The following ACSM1 variants were observed in gnomAD, a reference collection of about 807,000 sequenced individuals.
ACSM1 encodes acyl-CoA synthetase medium chain family member 1.
ACSM1 carries 79 observed loss-of-function variants against 75.8 expected under a neutral mutation model. The observed-to-expected ratio is 1.04, with a 90% CI of 0.87 to 1.26. The LOEUF is 1.26. Among genes scored for constraint, ACSM1 ranks in the 50% most tolerant of loss-of-function variants. The pLI is 0.00. For synonymous variants in ACSM1, 279 were observed against 265.8 expected (o/e 1.05, Z -0.48); for missense variants, 676 against 720.1 (o/e 0.94, Z 0.70).
rs180965452 is a variant in ACSM1, at chr16:20,684,102, G to A, written c.403+1091C>T. Among the ~76,000 whole-genome samples, 664 of 152,258 alleles carry A rather than the reference G, an allele frequency of 4.4e-3. 5 individuals are homozygous for A. Among genetic ancestry groups the A allele is most frequent in the African/African-American group, 0.015 (614 of 41,544 alleles). Reference sequence around the variant, plus strand: ...AAGTGATTCAAAAAAGAATCTGTGAGTCACTGATTCTAATCTATATAGACA... The same window carrying A: ...AAGTGATTCAAAAAAGAATCTGTGAATCACTGATTCTAATCTATATAGACA... On this transcript the variant is annotated intron_variant, in intron 3 of 13. Coordinates refer to ENST00000520010, the MANE Select transcript of ACSM1 (RefSeq NM_001318890.3).
intron 10 of ACSM1, among the ~76,000 whole-genome samples, chr16:20,632,334 T>C (rs2152199218): frequency 6.6e-6 from 1 of 152,262 alleles, no homozygotes; most frequent in Middle Eastern, 3.4e-3. Context: ...CTAGATTGAT[T>C]AATAAAAAAG....
intron 4 of ACSM1, among the ~76,000 whole-genome samples, chr16:20,672,471 A>AAAAATAT (rs1555473775): frequency 2.0e-4 from 13 of 64,570 alleles, no homozygotes; most frequent in East Asian, 2.6e-3. Flanking sequence ...AAAAAAAAAA[A>AAAAATAT]ATATATATAT....
chr16:20,630,856 G>A (rs1287007341), intron 10 of ACSM1, among the ~76,000 whole-genome samples: 1 of 151,914 alleles, frequency 6.6e-6, no homozygotes, highest in Non-Finnish European at 1.5e-5. Flanking sequence ...ATTAACAGAA[G>A]GAAAACTTTT....
At chr16:20,682,053 C>T (rs2079456676) in intron 4 of ACSM1, 2 of 538,136 alleles carry the variant, frequency 3.7e-6, no homozygotes, top group African/African-American at 1.9e-5. Context: ...TCCCCCTGCA[C>T]AGATCTCCCC....
At position 20,661,848 on chromosome 16, in the gene ACSM1, TG is replaced by T; in HGVS notation, c.937del (p.His313ThrfsTer11). ...IQTLLKYPIN[H>X]FWGVSSIYRM... is the part of the protein sequence containing the mutation. ...ATATATAGATGATACCCCCCAAAAG[TG>T]GTTAATGGGGTATTTCAACAATGTC... On this transcript the variant is annotated frameshift_variant, in exon 7 of 14. Coordinates refer to ENST00000520010, the MANE Select transcript of ACSM1 (RefSeq NM_001318890.3). LOFTEE classifies it high-confidence loss of function. 1 of 1,607,260 alleles carries T rather than the reference TG, an allele frequency of 6.2e-7. No homozygotes were observed. Among genetic ancestry groups the T allele is most frequent in the Non-Finnish European group, 8.5e-7 (1 of 1,175,114 alleles).
chr16:20,673,509 C>A (rs34586953), intron 4 of ACSM1, among the ~76,000 whole-genome samples: 11,105 of 152,188 alleles, frequency 0.073, 530 homozygotes, highest in East Asian at 0.2. Flanking sequence ...AAGTATTACT[C>A]CAAGAAAACA....
chr16:20,644,143 GACCACTGACAGCCAGCAGCCT>G (rs1365613123), intron 7 of ACSM1, among the ~76,000 whole-genome samples: 3 of 152,200 alleles, frequency 2.0e-5, no homozygotes, highest in Non-Finnish European at 2.9e-5. Flanking sequence ...CAACTCTCAA[GACCACTGACAGCCAGCAGCCT>G]TTCTATCAAA....
At chr16:20,645,965 A>G (rs1041829857) in intron 7 of ACSM1, among the ~76,000 whole-genome samples, 1 of 152,218 alleles carries the variant, frequency 6.6e-6, no homozygotes, top group Non-Finnish European at 1.5e-5. Context: ...ATCTTAAAGG[A>G]TAAGTTTATC....
chr16:20,686,232 C>A lies in ACSM1; in HGVS notation c.193-829G>T, dbSNP rs193049128. On this transcript the variant is annotated intron_variant, in intron 2 of 13. Coordinates refer to ENST00000520010, the MANE Select transcript of ACSM1 (RefSeq NM_001318890.3). Reference sequence around the variant, plus strand: ...GAAAAAAATTTTTTTAATTAAGTTACTCTTAGAGGTGAGGGCAGTAACAAA... The same window carrying A: ...GAAAAAAATTTTTTTAATTAAGTTAATCTTAGAGGTGAGGGCAGTAACAAA... Among the ~76,000 whole-genome samples the A allele has an allele frequency of 4.1e-3, 625 of 152,134 alleles. 8 individuals carry two copies. The highest frequency in any genetic ancestry group is 4.0e-3 in the Non-Finnish European group (272 of 68,018).
intron 10 of ACSM1, among the ~76,000 whole-genome samples, chr16:20,634,046 T>C (rs191809006): frequency 2.6e-5 from 4 of 152,266 alleles, no homozygotes; most frequent in East Asian, 1.9e-4. Context: ...ATCATTGCAA[T>C]AGAATAGAGA....
Position 20,659,078 on chromosome 16 carries a change from C to T in ACSM1, c.992+2716G>A, listed in dbSNP as rs530956375. On this transcript the variant is annotated intron_variant, in intron 7 of 13. Transcript: ENST00000520010. Reference sequence around the variant, plus strand: ...TGCCAGATACAGCAAAAGGGAAAGGCACAATTAAAGACTCAGATCATGATA... The same window carrying T: ...TGCCAGATACAGCAAAAGGGAAAGGTACAATTAAAGACTCAGATCATGATA... 9.2e-5 allele frequency among the ~76,000 whole-genome samples: 14 copies of T among 152,294 alleles called. No individual in the cohort carries two copies. The South Asian group carries it at 1.7e-3, about 18-fold the overall frequency.
chr16:20,676,723 A>G (rs1026364235), intron 4 of ACSM1, among the ~76,000 whole-genome samples: 1 of 152,208 alleles, frequency 6.6e-6, no homozygotes, highest in Admixed American at 6.5e-5. Flanking sequence ...ACAGTCATGG[A>G]AAAGGCTGGT....
intron 10 of ACSM1, 59 bp from the exon 11 acceptor site, chr16:20,627,375 A>C: frequency 6.7e-7 from 1 of 1,495,396 alleles, no homozygotes; most frequent in Non-Finnish European, 8.9e-7. Flanking sequence ...GATGAGCCAC[A>C]ACCTTGGGTT....
At chr16:20,681,940 T>A in intron 4 of ACSM1, 1 of 245,744 alleles carries the variant, frequency 4.1e-6, no homozygotes, top group Non-Finnish European at 8.1e-6. Flanking sequence ...ACTAGACAGA[T>A]AAACTCAAGT....
In ACSM1 at chr16:20,624,157, A is replaced by G; in HGVS notation, c.1586T>C (p.Leu529Pro). 2 of 1,613,552 alleles carry G rather than the reference A, an allele frequency of 1.2e-6. No individual in the cohort carries two copies. The highest frequency in any genetic ancestry group is 1.7e-6 in the Non-Finnish European group (2 of 1,179,566). ...GACATGCTGCTGCAGTTCCTTGGTC[A>G]GCTGATCCTTGTCATGGGACAGGAA... Reference protein sequence around the residue: ...PQFLSHDKDQLTKELQQHVKS... With the variant: ...PQFLSHDKDQPTKELQQHVKS... Residue 529 changes from leucine to proline, a missense_variant, in exon 13 of 14, where the codon CTG becomes CCG. Coordinates refer to ENST00000520010, the MANE Select transcript of ACSM1 (RefSeq NM_001318890.3).
intron 6 of ACSM1, 22 bp downstream of exon 6, chr16:20,669,804 TA>T: frequency 6.2e-7 from 1 of 1,605,428 alleles, no homozygotes. Flanking sequence ...ATTTTGCTGA[TA>T]GGGGAAGGTG....
chr16:20,636,217 A>G (rs2017697861), intron 10 of ACSM1, among the ~76,000 whole-genome samples: 1 of 152,136 alleles, frequency 6.6e-6, no homozygotes, highest in South Asian at 2.1e-4. Context: ...TGGGAGGGCC[A>G]TTGCTTATTT....
In ACSM1 at chr16:20,637,432, T is replaced by G. The variant is rs1440406145; in HGVS notation, c.1136A>C (p.Tyr379Ser). Residue 379 changes from tyrosine (Y) to serine (S), a missense_variant, in exon 9 of 14, where the codon TAC (tyrosine) becomes TCC (serine). Tyr to Ser is a moderately radical substitution (Grantham distance 144). Transcript: ENST00000520010. ...QSETGLICAT[Y>S]WGMKIKPGFM... The stretch of plus-strand genomic sequence containing the variant: ...ACCCGGCTTGATCTTCATTCCCCAG[T>G]AGGTGGCACAAATTAGTCCCTGTTC... 4 of 1,613,952 alleles carry G rather than the reference T, an allele frequency of 2.5e-6. No individual in the cohort carries two copies. The highest frequency in any genetic ancestry group is 1.3e-5 in the African/African-American group (1 of 75,020).
In ACSM1 at chr16:20,685,397, TG is replaced by T; in HGVS notation, c.198del (p.Lys67ArgfsTer11). ...CAAAAAGCTGGATTTGGACCTCTCT[TG>T]CCCTCCTGGTCAAGACCATATATTA... ...LDYWAQKEKE[G>X]KRGPNPAFWW... is the part of the protein sequence containing the mutation. On this transcript the variant is annotated frameshift_variant, in exon 3 of 14. Coordinates refer to ENST00000520010, the MANE Select transcript of ACSM1 (RefSeq NM_001318890.3). LOFTEE classifies it high-confidence loss of function. 3 of 1,614,198 alleles carry T rather than the reference TG, an allele frequency of 1.9e-6. No homozygotes were observed. In the South Asian group the frequency reaches 3.3e-5, roughly 18 times the overall value.
Sources: gnomAD v4.1 joint callset for allele counts (sites outside exome capture counted in the v4.1 genomes callset) on GRCh38, gnomAD v4.1.1 for gene constraint, MANE v1.5 for transcripts, NCBI Gene and HGNC (gene_info 2026-07-23, HGNC 2026-07-21) for gene names.